ZCWPW2: variants seen among roughly 807,000 people sequenced by gnomAD.
ZCWPW2 encodes the protein zinc finger CW-type and PWWP domain containing 2, also known as zinc finger CW-type PWWP domain protein 2.
ZCWPW2 carries 45 observed loss-of-function variants against 46.6 expected under a neutral mutation model. The ratio of observed to expected loss-of-function variants is 0.96; its 90% CI spans 0.76 to 1.24. The LOEUF is 1.24. Among genes scored for constraint, ZCWPW2 ranks in the 50% most tolerant of loss-of-function variants. The probability of loss-of-function intolerance (pLI) is 0.00; values close to 1 mark genes in which losing one functional copy is unlikely to be tolerated. For synonymous variants in ZCWPW2, 152 were observed against 137.1 expected, an observed-to-expected ratio of 1.11 and a Z score of -0.76; for missense variants, 429 against 403.9, an observed-to-expected ratio of 1.06 and a Z score of -0.53.
At chr3:28,406,432 C>T (rs1696162810) in intron 2 of ZCWPW2, among the ~76,000 whole-genome samples, 1 of 152,130 alleles carries the variant, frequency 6.6e-6, no homozygotes, top group African/African-American at 2.4e-5. Flanking sequence ...CATGAGAAAA[C>T]CATATCTGTG....
chr3:28,352,126 GCACACACACACACACACACACA>G (rs111383620), intron 1 of ZCWPW2, among the ~76,000 whole-genome samples: 3 of 129,604 alleles, frequency 2.3e-5, no homozygotes, highest in South Asian at 2.8e-4. Context: ...TCAGATGTAT[GCACACACACACACACACACACA>G]CACACACACA....
chr3:28,403,592 G>A (rs557426529), intron 2 of ZCWPW2, among the ~76,000 whole-genome samples: 4 of 152,040 alleles, frequency 2.6e-5, no homozygotes, highest in African/African-American at 7.2e-5. Flanking sequence ...GCCAAAGCAA[G>A]ACTAAGCAAA....
At position 28,360,306 on chromosome 3, in the gene ZCWPW2, C is replaced by G. The variant is rs569971794; in HGVS notation, c.-134+11103C>G. On this transcript the variant is annotated intron_variant, in intron 1 of 9. Transcript: ENST00000383768. ...GGATCACGAGATCAGAAGATCGAGA[C>G]CATCCTGGCTAACTCGGTGAAACCC... Among the ~76,000 whole-genome samples the G allele has an allele frequency of 6.2e-5, 9 of 145,258 alleles. No individual in the cohort carries two copies. The South Asian group carries it at 1.1e-3, about 18-fold the overall frequency.
intron 8 of ZCWPW2, among the ~76,000 whole-genome samples, chr3:28,520,071 C>A (rs1700682658): frequency 6.9e-6 from 1 of 145,114 alleles, no homozygotes; most frequent in Non-Finnish European, 1.5e-5. Flanking sequence ...GTGGTGTGAT[C>A]TCAGCTCACT....
chr3:28,474,176 T>C (rs1699141902), intron 4 of ZCWPW2, among the ~76,000 whole-genome samples: 1 of 152,068 alleles, frequency 6.6e-6, no homozygotes, highest in South Asian at 2.1e-4. Flanking sequence ...AAATTAAAAA[T>C]TAATAAAAGA....
chr3:28,468,602 C>T (rs757497476), intron 4 of ZCWPW2, among the ~76,000 whole-genome samples: 6 of 152,204 alleles, frequency 3.9e-5, no homozygotes, highest in Non-Finnish European at 7.4e-5. Context: ...AATGGTACTC[C>T]GATATACCTG....
chr3:28,352,572 G>A (rs1704593229), intron 1 of ZCWPW2, among the ~76,000 whole-genome samples: 1 of 151,982 alleles, frequency 6.6e-6, no homozygotes, highest in African/African-American at 2.4e-5. Context: ...GTGAGTTACA[G>A]TTGCTTTAGA....
At chr3:28,502,074 G>T (rs140634390) in intron 6 of ZCWPW2, among the ~76,000 whole-genome samples, 15 of 152,200 alleles carry the variant, frequency 9.9e-5, no homozygotes, top group African/African-American at 3.6e-4. Context: ...AAAATCTGTA[G>T]AGGGAAACTG....
At chr3:28,457,843 G>A (rs1253021287) in intron 4 of ZCWPW2, among the ~76,000 whole-genome samples, 1 of 152,126 alleles carries the variant, frequency 6.6e-6, no homozygotes, top group Non-Finnish European at 1.5e-5. Flanking sequence ...ACTGTACACA[G>A]TGTTTTTATT....
chr3:28,352,932 C>G (rs1043252109), intron 1 of ZCWPW2, among the ~76,000 whole-genome samples: 2 of 151,920 alleles, frequency 1.3e-5, no homozygotes, highest in Non-Finnish European at 2.9e-5. Context: ...GCCTGTGATC[C>G]CAGCACTTTG....
At chr3:28,471,263 G>C (rs1699031869) in intron 4 of ZCWPW2, among the ~76,000 whole-genome samples, 1 of 152,092 alleles carries the variant, frequency 6.6e-6, no homozygotes, top group South Asian at 2.1e-4. Context: ...TATGAGGCCA[G>C]TATTACTCTG....
Position 28,512,443 on chromosome 3 carries a change from C to G in ZCWPW2, c.658-1621C>G, listed in dbSNP as rs138546364. ...CTGATAATCAACCTGCCTTGGCCTC[C>G]CAAAGTGCTGGGATTACAGGTGCGA... On this transcript the variant is annotated intron_variant, in intron 6 of 9. Coordinates refer to ENST00000383768, the MANE Select transcript of ZCWPW2 (RefSeq NM_001040432.4). Among the ~76,000 whole-genome samples, 1,247 of 152,172 alleles carry G rather than the reference C, an allele frequency of 8.2e-3. 20 individuals carry two copies. The highest frequency in any genetic ancestry group is 0.028 in the African/African-American group (1,181 of 41,510).
At chr3:28,460,632 C>G (rs1698594146) in intron 4 of ZCWPW2, among the ~76,000 whole-genome samples, 1 of 152,278 alleles carries the variant, frequency 6.6e-6, no homozygotes, top group African/African-American at 2.4e-5. Context: ...ATCAAAGGAA[C>G]AGGAATGTTC....
chr3:28,444,624 G>T (rs971216221), intron 4 of ZCWPW2, among the ~76,000 whole-genome samples: 15 of 152,154 alleles, frequency 9.9e-5, no homozygotes, highest in African/African-American at 2.9e-4. Flanking sequence ...TTTCTTTGCA[G>T]GTCAGTCACT....
intron 8 of ZCWPW2, among the ~76,000 whole-genome samples, chr3:28,518,010 C>A (rs1197727305): frequency 1.3e-5 from 2 of 151,802 alleles, no homozygotes; most frequent in East Asian, 3.9e-4. Context: ...GTGGTACGTG[C>A]CTGTAGTCCC....
chr3:28,407,426 T>C (rs1696210161), intron 2 of ZCWPW2, among the ~76,000 whole-genome samples: 1 of 152,208 alleles, frequency 6.6e-6, no homozygotes, highest in Non-Finnish European at 1.5e-5. Flanking sequence ...TCAATACTTG[T>C]TTGAATTGAT....
intron 4 of ZCWPW2, among the ~76,000 whole-genome samples, chr3:28,459,825 G>A (rs1698560296): frequency 6.6e-6 from 1 of 152,126 alleles, no homozygotes; most frequent in Admixed American, 6.6e-5. Flanking sequence ...AACCTAAAAT[G>A]TCAGATTGGG....
At chr3:28,484,645 T>C (rs553521555) in intron 5 of ZCWPW2, among the ~76,000 whole-genome samples, 8 of 152,010 alleles carry the variant, frequency 5.3e-5, no homozygotes, top group Non-Finnish European at 7.4e-5. Flanking sequence ...TTTCTAATAT[T>C]AGTAATTTGT....
intron 5 of ZCWPW2, among the ~76,000 whole-genome samples, chr3:28,491,483 G>T (rs1197776290): frequency 6.6e-6 from 1 of 151,946 alleles, no homozygotes; most frequent in African/African-American, 2.4e-5. Context: ...TTTAGGAGTG[G>T]CATAATGAGA....
Sources: gnomAD v4.1 joint callset for allele counts (sites outside exome capture counted in the v4.1 genomes callset) on GRCh38, gnomAD v4.1.1 for gene constraint, MANE v1.5 for transcripts, NCBI Gene and HGNC (gene_info 2026-07-23, HGNC 2026-07-21) for gene names.